Variants in CPD observed in about 807,000 individuals in gnomAD.
CPD encodes the protein metallocarboxypeptidase D.
CPD carries 69 observed loss-of-function variants against 138.3 expected under a neutral mutation model. The observed-to-expected ratio is 0.50, with a 90% CI of 0.41 to 0.61. The LOEUF (loss-of-function observed/expected upper bound fraction) is 0.61, where lower values mean the gene tolerates loss of function less well. Ranked by LOEUF, CPD falls within the 20% of genes least tolerant of loss-of-function variation. The pLI, the probability that CPD is intolerant of heterozygous loss-of-function variation, is 0.00. For synonymous variants in CPD, 651 were observed against 642.1 expected (o/e 1.01, Z -0.21); for missense variants, 1,432 against 1,733.3 (o/e 0.83, Z 3.09).
intron 2 of CPD, among the ~76,000 whole-genome samples, chr17:30,417,937 C>T (rs1438346691): frequency 1.3e-5 from 2 of 152,218 alleles, no homozygotes; most frequent in East Asian, 3.9e-4. Flanking sequence ...GTGCTGCTGC[C>T]CTCATTCTGT....
intron 2 of CPD, among the ~76,000 whole-genome samples, chr17:30,411,896 C>G (rs1342560888): frequency 6.6e-6 from 1 of 152,192 alleles, no homozygotes; most frequent in African/African-American, 2.4e-5. Context: ...CAGTTTTGTT[C>G]CGTTGCTGGC....
At chr17:30,437,972 T>C (rs1404451971) in intron 8 of CPD, among the ~76,000 whole-genome samples, 1 of 151,268 alleles carries the variant, frequency 6.6e-6, no homozygotes, top group Non-Finnish European at 1.5e-5. Flanking sequence ...AAGGAGCTGG[T>C]TCTACAGACA....
intron 7 of CPD, among the ~76,000 whole-genome samples, chr17:30,430,389 T>G (rs1278893477): frequency 6.6e-6 from 1 of 152,228 alleles, no homozygotes; most frequent in Non-Finnish European, 1.5e-5. Flanking sequence ...TCCTATAACA[T>G]GTGACCTTTC....
intron 11 of CPD, 51 bp downstream of exon 11, chr17:30,444,022 C>G (rs1353769413): frequency 6.3e-7 from 1 of 1,583,594 alleles, no homozygotes; most frequent in South Asian, 1.1e-5. Context: ...AAACATGGCT[C>G]CATTCTGGAG....
At chr17:30,442,650 A>G (rs1232018954) in intron 10 of CPD, among the ~76,000 whole-genome samples, 200 bp downstream of exon 10, 1 of 152,162 alleles carries the variant, frequency 6.6e-6, no homozygotes, top group Non-Finnish European at 1.5e-5. Flanking sequence ...GTTTATTTGT[A>G]TATGTGAGGA....
chr17:30,399,479 A>T (rs993605835), intron 2 of CPD, among the ~76,000 whole-genome samples: 2 of 152,126 alleles, frequency 1.3e-5, no homozygotes, highest in Non-Finnish European at 2.9e-5. Context: ...TGTTTTATAT[A>T]TTTCAAAATT....
chr17:30,461,157 T>C, intron 17 of CPD, 23 bp from the exon 18 acceptor site: 1 of 1,554,642 alleles, frequency 6.4e-7, no homozygotes, highest in South Asian at 1.2e-5. Flanking sequence ...TTCCCACATT[T>C]GATTTTGAAC....
intron 8 of CPD, among the ~76,000 whole-genome samples, chr17:30,438,487 A>C (rs776678253): frequency 2.0e-5 from 3 of 152,192 alleles, no homozygotes; most frequent in Non-Finnish European, 4.4e-5. Context: ...AGAAAGGTGC[A>C]ACTAGTTGTA....
intron 2 of CPD, among the ~76,000 whole-genome samples, chr17:30,386,913 G>A (rs989557505): frequency 7.9e-5 from 12 of 152,226 alleles, no homozygotes; most frequent in East Asian, 3.9e-4. Flanking sequence ...CGTAATGAAC[G>A]TTGGCGTTCA....
intron 2 of CPD, among the ~76,000 whole-genome samples, chr17:30,410,665 G>C (rs982533060): frequency 2.0e-5 from 3 of 152,136 alleles, no homozygotes; most frequent in Non-Finnish European, 4.4e-5. Context: ...TTTTATTAGA[G>C]ACTAGGATTG....
In CPD at chr17:30,378,989, C is replaced by A; in HGVS notation, c.9C>A (p.Ser3Arg). The A allele has an allele frequency of 6.5e-7, 1 of 1,534,022 alleles. No homozygotes were observed. The stretch of plus-strand genomic sequence containing the variant: ...AGCGGCGCTGCTGGAAGATGGCGAG[C>A]GGCCGGGACGAGCGGCCGCCTTGGC... MA[S>R]GRDERPPWRL... is the part of the protein sequence containing the mutation. Residue 3 changes from serine to arginine, a missense_variant, in exon 1 of 21, where the codon AGC becomes AGA. By Grantham distance (110) the Ser-to-Arg change is moderately radical. This residue lies in a region of CPD where 484 missense variants were observed against 477.2 expected (regional missense o/e 1.01). Transcript: ENST00000225719.
chr17:30,462,145 A>G, intron 19 of CPD, 83 bp downstream of exon 19: 1 of 1,284,274 alleles, frequency 7.8e-7, no homozygotes, highest in Non-Finnish European at 1.1e-6. Context: ...CTTGTTAGAA[A>G]TCTTGAAGGG....
Position 30,467,031 on chromosome 17 carries a change from C to T in CPD, c.*2217C>T, listed in dbSNP as rs1334310663. ...CCTAGAAGCGTGAATGTATAGGATA[C>T]CTGACTACTAAGACTATATTCTCAG... On this transcript the variant is annotated 3_prime_UTR_variant, in exon 21 of 21. Transcript: ENST00000225719. 6.6e-6 allele frequency: 1 copy of T among 152,536 alleles called. No homozygotes were observed. The highest frequency in any genetic ancestry group is 1.5e-5 in the Non-Finnish European group (1 of 67,992). 9.4% of individuals were successfully genotyped at this position (152,536 alleles called of 1,614,324 possible).
intron 20 of CPD, among the ~76,000 whole-genome samples, chr17:30,463,006 C>T (rs769038930): frequency 1.4e-4 from 21 of 152,146 alleles, no homozygotes; most frequent in Non-Finnish European, 2.4e-4. Context: ...CCGCCCTGGG[C>T]GGGCCAGGTG....
intron 20 of CPD, among the ~76,000 whole-genome samples, chr17:30,464,326 A>G (rs1257696674): frequency 6.6e-6 from 1 of 152,152 alleles, no homozygotes; most frequent in African/African-American, 2.4e-5. Flanking sequence ...AAAAGATCTT[A>G]TAACTAAAAA....
intron 2 of CPD, among the ~76,000 whole-genome samples, chr17:30,388,133 C>T (rs1911243890): frequency 6.6e-6 from 1 of 152,196 alleles, no homozygotes; most frequent in Non-Finnish European, 1.5e-5. Context: ...CCATCCTCTG[C>T]CTTGCTCTGA....
chr17:30,383,003 T>A (rs1425925925), intron 1 of CPD, among the ~76,000 whole-genome samples: 1 of 152,084 alleles, frequency 6.6e-6, no homozygotes, highest in Non-Finnish European at 1.5e-5. Flanking sequence ...TTTCCCAGAG[T>A]CAGTGGGGGA....
intron 20 of CPD, among the ~76,000 whole-genome samples, chr17:30,463,202 C>T (rs1029761376): frequency 6.6e-5 from 10 of 152,210 alleles, no homozygotes; most frequent in African/African-American, 9.6e-5. Flanking sequence ...GTCACCTCCA[C>T]GGAGAGGCTT....
At chr17:30,448,599 TA>T (rs546508255) in intron 12 of CPD, among the ~76,000 whole-genome samples, 336 of 152,316 alleles carry the variant, frequency 2.2e-3, no homozygotes, top group African/African-American at 7.7e-3. Flanking sequence ...TTAATATGAT[TA>T]TTTTTTTCTG....
Sources: allele counts gnomAD v4.1 joint callset (sites outside exome capture counted in the v4.1 genomes callset), GRCh38; gene constraint gnomAD v4.1.1; regional missense constraint gnomAD v4.1.1; transcripts MANE v1.5; gene names NCBI Gene and HGNC (gene_info 2026-07-23, HGNC 2026-07-21).